Variants in MYO1E observed in about 807,000 individuals in gnomAD.
The protein encoded by MYO1E is unconventional myosin-Ie.
In MYO1E, 68 loss-of-function variants were observed where a neutral mutation model predicts 151.1. The observed-to-expected ratio is 0.45, with a 90% CI of 0.37 to 0.55. MYO1E has a LOEUF of 0.55. MYO1E is among the 20% of genes least tolerant of loss of function. MYO1E has a pLI of 0.00. For synonymous variants in MYO1E, 601 were observed against 501.7 expected (o/e 1.20, Z -2.64); for missense variants, 1,363 against 1,389.3 (o/e 0.98, Z 0.30).
chr15:59,351,401 G>C (rs564276938), intron 1 of MYO1E, among the ~76,000 whole-genome samples: 1 of 152,218 alleles, frequency 6.6e-6, no homozygotes, highest in South Asian at 2.1e-4. Flanking sequence ...CAGGAACAAG[G>C]CATGTAGGCT....
chr15:59,276,315 G>A (rs1369762409), intron 1 of MYO1E, among the ~76,000 whole-genome samples: 1 of 152,018 alleles, frequency 6.6e-6, no homozygotes, highest in Non-Finnish European at 1.5e-5. Flanking sequence ...ATTCCCTTTT[G>A]CTCCCCCCAC....
chr15:59,284,472 C>T (rs1438084490), intron 1 of MYO1E, among the ~76,000 whole-genome samples: 1 of 151,506 alleles, frequency 6.6e-6, no homozygotes, highest in African/African-American at 2.4e-5. Flanking sequence ...TTTTTTGAGA[C>T]AGGGTCTCAC....
chr15:59,296,839 C>CT (rs10717328), intron 1 of MYO1E, among the ~76,000 whole-genome samples: 2,094 of 125,536 alleles, frequency 0.017, 27 homozygotes, highest in Non-Finnish European at 0.025. Flanking sequence ...ATACTTTTTT[C>CT]TTTTTTTTTT....
intron 1 of MYO1E, among the ~76,000 whole-genome samples, chr15:59,344,433 G>A (rs753762712): frequency 2.0e-5 from 3 of 152,134 alleles, no homozygotes; most frequent in Non-Finnish European, 4.4e-5. Flanking sequence ...GCACCCCTAT[G>A]GCCACCACCA....
At chr15:59,311,099 T>C (rs2080548465) in intron 1 of MYO1E, among the ~76,000 whole-genome samples, 1 of 152,000 alleles carries the variant, frequency 6.6e-6, no homozygotes, top group Non-Finnish European at 1.5e-5. Flanking sequence ...ACAACAGGCA[T>C]GGTCAAGGCA....
intron 17 of MYO1E, among the ~76,000 whole-genome samples, chr15:59,194,895 G>C (rs1481206874): frequency 6.6e-6 from 1 of 152,238 alleles, no homozygotes; most frequent in Non-Finnish European, 1.5e-5. Context: ...GAAAGGGTTT[G>C]CTGAATTCTT....
At chr15:59,197,656 C>T (rs1420137142) in intron 16 of MYO1E, among the ~76,000 whole-genome samples, 1 of 152,218 alleles carries the variant, frequency 6.6e-6, no homozygotes. Context: ...CGCCCATGGG[C>T]TACCAAGCCT....
At chr15:59,140,873 C>T (rs1486130025) in intron 26 of MYO1E, among the ~76,000 whole-genome samples, 3 of 152,132 alleles carry the variant, frequency 2.0e-5, no homozygotes, top group African/African-American at 7.2e-5. Flanking sequence ...GGCTCCACTC[C>T]TCCCACCACC....
rs1408316210 is a variant in MYO1E, at chr15:59,192,894, G to A, written c.1805+2567C>T. Among the ~76,000 whole-genome samples the A allele has an allele frequency of 5.3e-5, 8 of 152,094 alleles. No homozygotes were observed. The East Asian group carries it at 1.3e-3, about 26-fold the overall frequency. ...GTGTGGGTATGTGTGAGAGGTGAGTGTAAAAGTGACAGAGACAGAGGCAGA... is the reference window on the plus strand; with the variant it reads ...GTGTGGGTATGTGTGAGAGGTGAGTATAAAAGTGACAGAGACAGAGGCAGA... On this transcript the variant is annotated intron_variant, in intron 17 of 27. Coordinates refer to ENST00000288235, the MANE Select transcript of MYO1E (RefSeq NM_004998.4).
intron 26 of MYO1E, among the ~76,000 whole-genome samples, chr15:59,147,899 G>C (rs148299529): frequency 5.9e-5 from 9 of 152,222 alleles, no homozygotes; most frequent in African/African-American, 1.9e-4. Flanking sequence ...CTGAAGCGTA[G>C]ACCTTCATGG....
intron 2 of MYO1E, among the ~76,000 whole-genome samples, chr15:59,264,441 A>C (rs1248033811): frequency 3.3e-5 from 5 of 152,250 alleles, no homozygotes; most frequent in African/African-American, 1.2e-4. Flanking sequence ...AGCAAATAAA[A>C]ACACAGAAAA....
rs146615550 is a variant in MYO1E, at chr15:59,225,716, C to T, written c.643-893G>A. 3.4e-3 allele frequency among the ~76,000 whole-genome samples: 512 copies of T among 151,336 alleles called. 2 individuals are homozygous for T. The highest frequency in any genetic ancestry group is 6.0e-3 in the Non-Finnish European group (408 of 67,822). ...GGCTGGAGTGCACTGGTGCGATCTC[C>T]GCTCCCTGCAAGCTCCGCCTCCCAG... On this transcript the variant is annotated intron_variant, in intron 7 of 27. Transcript: ENST00000288235.
At chr15:59,256,745 A>G (rs1276417750) in intron 3 of MYO1E, among the ~76,000 whole-genome samples, 2 of 152,200 alleles carry the variant, frequency 1.3e-5, no homozygotes, top group African/African-American at 4.8e-5. Context: ...TTCTGTAGAC[A>G]CTTGGGCAAC....
At chr15:59,301,131 G>C (rs767971613) in intron 1 of MYO1E, among the ~76,000 whole-genome samples, 1 of 151,982 alleles carries the variant, frequency 6.6e-6, no homozygotes, top group Non-Finnish European at 1.5e-5. Flanking sequence ...ACCTCCTAAA[G>C]TGCTAGGTGT....
At chr15:59,333,578 C>G (rs2080710834) in intron 1 of MYO1E, among the ~76,000 whole-genome samples, 1 of 152,164 alleles carries the variant, frequency 6.6e-6, no homozygotes. Flanking sequence ...CTCCCACACC[C>G]ATTGTGAAAT....
At chr15:59,337,603 G>C (rs972159576) in intron 1 of MYO1E, among the ~76,000 whole-genome samples, 4 of 152,336 alleles carry the variant, frequency 2.6e-5, no homozygotes, top group Non-Finnish European at 5.9e-5. Flanking sequence ...AGCCAAGGCA[G>C]ACAAATCACT....
rs1483835163 is a variant in MYO1E at position 59,205,393 on chromosome 15, T to A, written c.1616+7A>T. ...ATCCCCTGTCAGCTATGGCAAAACA[T>A]ACTTACAGCTCGCTGCTCTGCATAA... On this transcript the variant is annotated splice_region_variant and intron_variant, in intron 15 of 27. Transcript: ENST00000288235. 1.2e-6 allele frequency: 2 copies of A among 1,613,504 alleles called. No individual in the cohort carries two copies. Among genetic ancestry groups the A allele is most frequent in the Non-Finnish European group, 1.7e-6 (2 of 1,179,614 alleles).
intron 10 of MYO1E, 76 bp from the exon 11 acceptor site, chr15:59,214,796 A>G: frequency 8.8e-7 from 1 of 1,137,756 alleles, no homozygotes; most frequent in Non-Finnish European, 1.3e-6. Flanking sequence ...GGGAAAGGGA[A>G]GCTGGATTCT....
In MYO1E at chr15:59,136,353, A is replaced by G. The variant is rs1282853608; in HGVS notation, c.*1027T>C. The G allele has an allele frequency of 6.0e-6, 1 of 166,426 alleles. No individual in the cohort carries two copies. Among genetic ancestry groups the G allele is most frequent in the Non-Finnish European group, 1.3e-5 (1 of 75,718 alleles). 10.3% of individuals were successfully genotyped at this position (166,426 alleles called of 1,614,324 possible). A position where few individuals can be genotyped will look rare whatever the true frequency, so the allele number is the denominator to read the frequency against. On this transcript the variant is annotated 3_prime_UTR_variant, in exon 28 of 28. Coordinates refer to ENST00000288235, the MANE Select transcript of MYO1E (RefSeq NM_004998.4). ...AATTCAACCCATAACAAATGTCATA[A>G]AAGAAGAAGGTGTTCGCCGATTCCT...
Sources: allele counts gnomAD v4.1 joint callset (sites outside exome capture counted in the v4.1 genomes callset), GRCh38; gene constraint gnomAD v4.1.1; transcripts MANE v1.5; gene names NCBI Gene and HGNC (gene_info 2026-07-23, HGNC 2026-07-21).